Variants in EPG5 observed in about 807,000 individuals in gnomAD.
EPG5 encodes the protein ectopic P granules protein 5 homolog.
A neutral mutation model predicts 302.7 loss-of-function variants in EPG5; 159 were observed. That is an observed-to-expected ratio of 0.53 (90% CI 0.46 to 0.60). The LOEUF (loss-of-function observed/expected upper bound fraction) is 0.60, where lower values mean the gene tolerates loss of function less well. Ranked by LOEUF, EPG5 falls within the 20% of genes least tolerant of loss-of-function variation. The pLI is 0.00. For missense variants in EPG5, 2,896 were observed against 3,092.4 expected (o/e 0.94, Z 1.51); for synonymous variants, 1,158 against 1,136.8 (o/e 1.02, Z -0.37).
At chr18:45,884,581 T>C (rs768288633) in intron 30 of EPG5, 36 bp downstream of exon 30, 1 of 1,539,428 alleles carries the variant, frequency 6.5e-7, no homozygotes, top group Non-Finnish European at 8.7e-7. Context: ...CATTCCTACG[T>C]TTCAACAATA....
chr18:45,864,969 G>A (rs1196145987), intron 39 of EPG5, among the ~76,000 whole-genome samples: 1 of 152,136 alleles, frequency 6.6e-6, no homozygotes, highest in Non-Finnish European at 1.5e-5. Context: ...TGTGGATTAT[G>A]CATCGGATTT....
chr18:45,932,836 G>A (rs566308474), intron 11 of EPG5, among the ~76,000 whole-genome samples: 1 of 152,254 alleles, frequency 6.6e-6, no homozygotes, highest in South Asian at 2.1e-4. Context: ...GAAGCCTGGA[G>A]TCCAGACAGA....
At chr18:45,824,560 AT>A in the EPG5 span, among the ~76,000 whole-genome samples, 1 of 152,232 alleles carries the variant, frequency 6.6e-6, no homozygotes, top group African/African-American at 2.4e-5. Flanking sequence ...GAAATTATCA[AT>A]TTCATTGTTT....
chr18:45,802,349 C>T, the EPG5 span, among the ~76,000 whole-genome samples: 1 of 152,038 alleles, frequency 6.6e-6, no homozygotes, highest in Non-Finnish European at 1.5e-5. Context: ...GGCAAAACCC[C>T]ATCTCTAATA....
intron 35 of EPG5, among the ~76,000 whole-genome samples, chr18:45,873,526 A>C (rs886271772): frequency 6.6e-6 from 1 of 152,116 alleles, no homozygotes; most frequent in Non-Finnish European, 1.5e-5. Context: ...AAAAAAAAAA[A>C]AGAAATTAAA....
At chr18:45,829,175 T>A in the EPG5 span, 1 of 984,858 alleles carries the variant, frequency 1.0e-6, no homozygotes. Flanking sequence ...TGCCTCTCCA[T>A]CAGCTCAGGT....
Position 45,899,598 on chromosome 18 carries a change from T to A in EPG5, c.4647-32A>T, listed in dbSNP as rs761195374. On this transcript the variant is annotated intron_variant, in intron 26 of 43. Coordinates refer to ENST00000282041, the MANE Select transcript of EPG5 (RefSeq NM_020964.3). The stretch of plus-strand genomic sequence containing the variant: ...AACATCATCAGGAGGTAAAAGAAAG[T>A]CTTAGGAAAGGTTATATGATAGGTG... The A allele has an allele frequency of 9.3e-6, 15 of 1,612,540 alleles. No homozygotes were observed. The East Asian group carries it at 3.3e-4, about 36-fold the overall frequency.
At chr18:45,903,402 T>G (rs1568137634) in intron 25 of EPG5, among the ~76,000 whole-genome samples, 1 of 152,164 alleles carries the variant, frequency 6.6e-6, no homozygotes. Flanking sequence ...TTCATACAAC[T>G]AACGCGTTTT....
At chr18:45,942,224 CA>C (rs1036034833) in intron 9 of EPG5, among the ~76,000 whole-genome samples, 2 of 149,398 alleles carry the variant, frequency 1.3e-5, no homozygotes, top group African/African-American at 4.9e-5. Context: ...GACCCTGTCT[CA>C]AAAAAAAAGA....
intron 38 of EPG5, among the ~76,000 whole-genome samples, chr18:45,866,146 G>A (rs1291941196): frequency 2.1e-5 from 3 of 145,410 alleles, no homozygotes; most frequent in Non-Finnish European, 4.5e-5. Flanking sequence ...TTGAGATGGA[G>A]TCTCACTCTG....
intron 1 of EPG5, among the ~76,000 whole-genome samples, chr18:45,956,420 T>A (rs745622251): frequency 5.3e-5 from 8 of 152,168 alleles, no homozygotes; most frequent in Non-Finnish European, 8.8e-5. Context: ...TACATCCTAC[T>A]ATTGTACCAA....
At chr18:45,956,086 T>C (rs2051024322) in intron 1 of EPG5, among the ~76,000 whole-genome samples, 1 of 152,012 alleles carries the variant, frequency 6.6e-6, no homozygotes, top group Non-Finnish European at 1.5e-5. Flanking sequence ...AACAGGAAAA[T>C]AGTAAGTTTC....
the EPG5 span, among the ~76,000 whole-genome samples, chr18:45,818,044 C>T: frequency 1.3e-5 from 2 of 152,130 alleles, no homozygotes; most frequent in African/African-American, 4.8e-5. Flanking sequence ...TAAAATCACA[C>T]TATATAGACT....
chr18:45,815,160 T>C, the EPG5 span, among the ~76,000 whole-genome samples: 3 of 152,146 alleles, frequency 2.0e-5, no homozygotes, highest in African/African-American at 7.2e-5. Flanking sequence ...AGTTTTCTCA[T>C]CAGTAAAAAT....
chr18:45,868,972 G>A (rs1282925862), intron 36 of EPG5, among the ~76,000 whole-genome samples: 7 of 150,842 alleles, frequency 4.6e-5, no homozygotes, highest in South Asian at 2.1e-4. Flanking sequence ...GGAGAATGGC[G>A]AGAACCTGGA....
chr18:45,883,630 T>TG (rs1309293826), intron 30 of EPG5, among the ~76,000 whole-genome samples: 3 of 138,438 alleles, frequency 2.2e-5, no homozygotes, highest in South Asian at 2.4e-4. Context: ...TTTTTTTTTT[T>TG]TTTTTTTTTT....
chr18:45,864,876 G>A (rs1207692770), intron 39 of EPG5, among the ~76,000 whole-genome samples: 1 of 152,128 alleles, frequency 6.6e-6, no homozygotes, highest in Non-Finnish European at 1.5e-5. Flanking sequence ...CTAACAACGA[G>A]GCCAAAACAG....
At chr18:45,888,856 ATT>A (rs1331906825) in intron 28 of EPG5, among the ~76,000 whole-genome samples, 2 of 152,214 alleles carry the variant, frequency 1.3e-5, no homozygotes, top group Non-Finnish European at 2.9e-5. Flanking sequence ...GTAATTCATA[ATT>A]TGTTATTTAA....
Position 45,952,568 on chromosome 18 carries a change from C to T in EPG5, c.1084G>A (p.Val362Met), listed in dbSNP as rs758460793. The change falls in exon 3 of 44, where the codon GTG (valine) becomes ATG (methionine). Residue 362 changes from valine (V) to methionine (M), a missense_variant. Transcript: ENST00000282041. ...GCATCGAATAGCTTCTTTAGCTCCA[C>T]CAGTGCATTTTCATTCATTTCTACT... Reference protein sequence around the residue: ...QRVEMNENALVELKKLFDAKS... With the variant: ...QRVEMNENALMELKKLFDAKS... 10 of 1,614,028 alleles carry T rather than the reference C, an allele frequency of 6.2e-6. No individual in the cohort carries two copies. The highest frequency in any genetic ancestry group is 7.6e-6 in the Non-Finnish European group (9 of 1,180,026).
Sources: allele counts gnomAD v4.1 joint callset (sites outside exome capture counted in the v4.1 genomes callset), GRCh38; gene constraint gnomAD v4.1.1; transcripts MANE v1.5; gene names NCBI Gene and HGNC (gene_info 2026-07-23, HGNC 2026-07-21).